FAM149A: variants seen among roughly 807,000 people sequenced by gnomAD.
FAM149A encodes the protein family with sequence similarity 149 member A, also known as protein FAM149A.
FAM149A carries 71 observed loss-of-function variants against 78.2 expected under a neutral mutation model. The observed-to-expected ratio is 0.91, with a 90% confidence interval of 0.75 to 1.11. The LOEUF is 1.11. Ranked by LOEUF, FAM149A falls within the 50% of genes least tolerant of loss-of-function variation. The pLI, the probability that FAM149A is intolerant of heterozygous loss-of-function variation, is 0.00. For missense variants in FAM149A, 1,036 were observed against 971.0 expected (o/e 1.07, Z -0.89); for synonymous variants, 446 against 410.5 (o/e 1.09, Z -1.04).
chr4:186,108,854 T>G (rs552427008), intron 1 of FAM149A, among the ~76,000 whole-genome samples: 4 of 150,444 alleles, frequency 2.7e-5, no homozygotes, highest in Non-Finnish European at 5.9e-5. Flanking sequence ...TCTCTGGTTT[T>G]TTTTTTTTTT....
intron 1 of FAM149A, among the ~76,000 whole-genome samples, chr4:186,139,148 G>T (rs947663551): frequency 3.3e-5 from 5 of 152,100 alleles, no homozygotes; most frequent in African/African-American, 1.2e-4. Context: ...TTTCAGGATG[G>T]CTCCTGTGAC....
rs1219408203 is a variant in FAM149A, at chr4:186,175,150, T to A, written c.*3163T>A. ...CATATTGATATTATTCTGAACTAGA[T>A]GGAATTTCTACACCAATTCAGAAGT... On this transcript the variant is annotated 3_prime_UTR_variant, in exon 14 of 14. Coordinates refer to ENST00000389354, the MANE Select transcript of FAM149A (RefSeq NM_001367768.3). Among the ~76,000 whole-genome samples, 2 of 111,832 alleles carry A rather than the reference T, an allele frequency of 1.8e-5. No individual in the cohort carries two copies. 73.4% of individuals were successfully genotyped at this position (111,832 alleles called of 152,430 possible). A position where few individuals can be genotyped will look rare whatever the true frequency, so the allele number is the denominator to read the frequency against.
rs1203490502 is a variant in FAM149A, at chr4:186,104,901, G to GGGCGACCCCAGCGGCGCGGAGC, written c.-175_-154dup. 2.1e-6 allele frequency: 2 copies of GGGCGACCCCAGCGGCGCGGAGC among 941,686 alleles called. No homozygotes were observed. The highest frequency in any genetic ancestry group is 2.3e-4 in the East Asian group (2 of 8,512). 58.3% of individuals were successfully genotyped at this position (941,686 alleles called of 1,614,324 possible). A position where few individuals can be genotyped will look rare whatever the true frequency, so the allele number is the denominator to read the frequency against. On this transcript the variant is annotated 5_prime_UTR_variant, in exon 1 of 14. Transcript: ENST00000389354. Reference sequence around the variant, plus strand: ...CGGCGGACGGACCCGGGCCGGGGAAGGGCGACCCCAGCGGCGCGGAGCTGA... The same window carrying GGGCGACCCCAGCGGCGCGGAGC: ...CGGCGGACGGACCCGGGCCGGGGAAGGGCGACCCCAGCGGCGCGGAGCGGCGACCCCAGCGGCGCGGAGCTGA...
chr4:186,110,184 C>T (rs1302039031), intron 1 of FAM149A: 2 of 985,212 alleles, frequency 2.0e-6, no homozygotes, highest in African/African-American at 3.5e-5. Context: ...ATATTTTCTT[C>T]CTCATATAAT....
chr4:186,117,492 T>A (rs575428046), intron 1 of FAM149A: 1 of 985,418 alleles, frequency 1.0e-6, no homozygotes, highest in East Asian at 1.1e-4. Context: ...CGAGGGGCGA[T>A]GTCAGGGGTC....
rs148004477 is a variant in FAM149A at position 186,116,361 on chromosome 4, A to T, written c.566+10719A>T. On this transcript the variant is annotated intron_variant, in intron 1 of 13. Transcript: ENST00000389354. ...GCAGAAATCACCCGTCTTCTGTGTC[A>T]CTCACGCTGGGAGCTGTAGACCGGA... is the stretch of plus-strand genomic sequence containing the variant. 3.2e-3 allele frequency: 1,576 copies of T among 499,370 alleles called. 22 individuals are homozygous for T. Among genetic ancestry groups the T allele is most frequent in the African/African-American group, 0.031 (1,478 of 47,418 alleles). 30.9% of individuals were successfully genotyped at this position (499,370 alleles called of 1,614,324 possible). A position where few individuals can be genotyped will look rare whatever the true frequency, so the allele number is the denominator to read the frequency against.
chr4:186,161,705 A>G (rs1044005070), intron 8 of FAM149A, among the ~76,000 whole-genome samples: 2 of 152,198 alleles, frequency 1.3e-5, no homozygotes, highest in Non-Finnish European at 2.9e-5. Context: ...TAAATGTTAA[A>G]AAAAAATAAG....
At position 186,168,820 on chromosome 4, in the gene FAM149A, A is replaced by G. The variant is rs529797267; in HGVS notation, c.2218+1558A>G. On this transcript the variant is annotated intron_variant, in intron 13 of 13. Coordinates refer to ENST00000389354, the MANE Select transcript of FAM149A (RefSeq NM_001367768.3). Reference sequence around the variant, plus strand: ...TGTTTCCGTCTGTGCCTCAAGGAGCATTGAGCCTGGCAGGCAAGCTGGAAA... The same window carrying G: ...TGTTTCCGTCTGTGCCTCAAGGAGCGTTGAGCCTGGCAGGCAAGCTGGAAA... Among the ~76,000 whole-genome samples, 2 of 152,318 alleles carry G rather than the reference A, an allele frequency of 1.3e-5. 1 individual carries two copies. The highest frequency in any genetic ancestry group is 4.8e-5 in the African/African-American group (2 of 41,578).
chr4:186,170,655 G>A lies in FAM149A; in HGVS notation c.2219-1259G>A, dbSNP rs76484380. ...AGCAGGCAGGGCCCCCGACAGGCAG[G>A]TGGTGTGCAGGGGTCCCTGGGGCAC... On this transcript the variant is annotated intron_variant, in intron 13 of 13. Transcript: ENST00000389354. Among the ~76,000 whole-genome samples the A allele has an allele frequency of 6.6e-3, 1,009 of 152,304 alleles. 7 individuals are homozygous for A. The highest frequency in any genetic ancestry group is 0.01 in the Middle Eastern group (3 of 294).
At position 186,156,118 on chromosome 4, in the gene FAM149A, G is replaced by C; in HGVS notation, c.1348G>C (p.Asp450His). Residue 450 changes from aspartate (D) to histidine (H), a missense_variant, in exon 7 of 14, where the codon GAT becomes CAT. Transcript: ENST00000389354. Reference sequence around the variant, plus strand: ...AGATGCCGTGGCAGCAGAAGTGTTTGATCACGTCTGGACAAATATGGTAGA... The same window carrying C: ...AGATGCCGTGGCAGCAGAAGTGTTTCATCACGTCTGGACAAATATGGTAGA... 1 of 1,613,994 alleles carries C rather than the reference G, an allele frequency of 6.2e-7. No homozygotes were observed. The highest frequency in any genetic ancestry group is 8.5e-7 in the Non-Finnish European group (1 of 1,179,922).
At chr4:186,162,770 C>T (rs1378682871) in intron 8 of FAM149A, 75 bp from the exon 9 acceptor site, 5 of 759,142 alleles carry the variant, frequency 6.6e-6, no homozygotes, top group East Asian at 2.7e-5. Context: ...TGATTTCGGA[C>T]AAGCATCAGT....
At chr4:186,135,891 C>T (rs1034340155) in intron 1 of FAM149A, among the ~76,000 whole-genome samples, 11 of 152,158 alleles carry the variant, frequency 7.2e-5, no homozygotes, top group African/African-American at 1.2e-4. Context: ...GCGGGGAGCA[C>T]GCAGTTGAAG....
intron 1 of FAM149A, among the ~76,000 whole-genome samples, chr4:186,143,338 TATAA>T (rs1732682728): frequency 6.6e-6 from 1 of 151,818 alleles, no homozygotes; most frequent in Non-Finnish European, 1.5e-5. Flanking sequence ...CCCCTGGCAA[TATAA>T]ATAATATCAG....
At chr4:186,154,892 C>G in intron 6 of FAM149A, 1 of 985,258 alleles carries the variant, frequency 1.0e-6, no homozygotes, top group Non-Finnish European at 1.2e-6. Context: ...CCTGGGGGCT[C>G]CAGGTTCCCC....
chr4:186,144,038 T>TCAA lies in FAM149A; in HGVS notation c.567-5135_567-5134insCAA, dbSNP rs1425712906. 3 of 152,136 alleles carry TCAA rather than the reference T, an allele frequency of 2.0e-5. No homozygotes were observed. The highest frequency in any genetic ancestry group is 7.2e-5 in the African/African-American group (3 of 41,416). The allele number at this position is 152,136 out of a possible 1,614,324, so 9.4% of individuals were successfully genotyped here. ...TACGGCAGGACGGGGATGAGTGTTG[T>TCAA]ACCGGCACCCAGTGCACTAACTGTC... On this transcript the variant is annotated intron_variant, in intron 1 of 13. Transcript: ENST00000389354. The surrounding 1 kb of genome is among the most constrained non-coding windows in gnomAD (Gnocchi z 4.2).
At chr4:186,118,494 A>G (rs1410230259) in intron 1 of FAM149A, among the ~76,000 whole-genome samples, 1 of 152,116 alleles carries the variant, frequency 6.6e-6, no homozygotes, top group Non-Finnish European at 1.5e-5. Flanking sequence ...TTATTTTTTG[A>G]TTTTTATTAT....
chr4:186,109,203 GGATA>G (rs2099310195), intron 1 of FAM149A: 1 of 984,866 alleles, frequency 1.0e-6, no homozygotes, highest in African/African-American at 1.7e-5. Flanking sequence ...TACGTAAGGT[GGATA>G]GATAGATAAT....
chr4:186,154,668 CATAAA>C, intron 6 of FAM149A, 30 bp downstream of exon 6: 1 of 1,578,242 alleles, frequency 6.3e-7, no homozygotes, highest in Non-Finnish European at 8.6e-7. Context: ...ACATTGACCT[CATAAA>C]ATAATATTAA....
At chr4:186,162,799 C>A (rs757619718) in intron 8 of FAM149A, 46 bp from the exon 9 acceptor site, 39 of 1,013,938 alleles carry the variant, frequency 3.8e-5, no homozygotes, top group Non-Finnish European at 5.3e-5. Context: ...CGGCACTGGG[C>A]ATTTGTAATT....
Sources: gnomAD v4.1 joint callset for allele counts (sites outside exome capture counted in the v4.1 genomes callset) on GRCh38, gnomAD v4.1.1 for gene constraint, Gnocchi (gnomAD v3.1) non-coding constraint, MANE v1.5 for transcripts, NCBI Gene and HGNC (gene_info 2026-07-23, HGNC 2026-07-21) for gene names.